Variants in ELP4 observed in about 807,000 individuals in gnomAD.
The protein encoded by ELP4 is elongator complex protein 4.
In ELP4, 51 loss-of-function variants were observed where a neutral mutation model predicts 48.9. The observed-to-expected ratio is 1.04, with a 90% CI of 0.83 to 1.32. The LOEUF is 1.32. ELP4 is among the 40% of genes most tolerant of loss of function. ELP4 has a pLI of 0.00. For missense variants in ELP4, 519 were observed against 514.6 expected (o/e 1.01, Z -0.08); for synonymous variants, 210 against 189.2 (o/e 1.11, Z -0.90).
chr11:31,607,427 C>T (rs1279990390), intron 5 of ELP4, among the ~76,000 whole-genome samples: 1 of 152,138 alleles, frequency 6.6e-6, no homozygotes, highest in Non-Finnish European at 1.5e-5. Flanking sequence ...GCACCTTTTT[C>T]CTGCATTCTC....
intron 2 of ELP4, among the ~76,000 whole-genome samples, chr11:31,535,579 A>G (rs1179275451): frequency 1.3e-5 from 2 of 152,178 alleles, no homozygotes; most frequent in Admixed American, 6.5e-5. Context: ...TCCTCGCCTC[A>G]AAGTGACCCT....
At chr11:31,731,856 G>T (rs1462332394) in intron 9 of ELP4, among the ~76,000 whole-genome samples, 2 of 151,888 alleles carry the variant, frequency 1.3e-5, no homozygotes, top group African/African-American at 4.8e-5. Flanking sequence ...ACTATCGGTG[G>T]ATTTCATAGC....
chr11:31,549,202 C>T (rs1956791498), intron 3 of ELP4, among the ~76,000 whole-genome samples: 1 of 151,014 alleles, frequency 6.6e-6, no homozygotes, highest in East Asian at 1.9e-4. Flanking sequence ...AACAGGCAAC[C>T]CACAAAATGG....
chr11:31,765,408 A>G (rs1053578487), intron 9 of ELP4, among the ~76,000 whole-genome samples: 6 of 152,194 alleles, frequency 3.9e-5, no homozygotes, highest in South Asian at 2.1e-4. Flanking sequence ...GCCCTAATGC[A>G]ACCTAACCAA....
rs978648595 is a variant in ELP4, at chr11:31,519,964, T to C, written c.224-92T>C. ...GTTCACAACTACTGTTTTAAAGTTA[T>C]TGAAGTGCCTTTCCTTCATAAAGCC... is the stretch of plus-strand genomic sequence containing the variant. On this transcript the variant is annotated intron_variant, in intron 1 of 9. Transcript: ENST00000640961. The C allele has an allele frequency of 2.1e-5, 25 of 1,190,232 alleles. No individual in the cohort carries two copies. The African/African-American group carries it at 2.7e-4, about 13-fold the overall frequency. 73.7% of individuals were successfully genotyped at this position (1,190,232 alleles called of 1,614,324 possible).
chr11:31,648,647 C>T (rs867583280), intron 8 of ELP4: 1 of 151,518 alleles, frequency 6.6e-6, no homozygotes, highest in South Asian at 2.1e-4. Flanking sequence ...TCTGTGGAAA[C>T]CTCTAAAGAC....
At chr11:31,776,175 A>AAG (rs1491411536) in intron 9 of ELP4, among the ~76,000 whole-genome samples, 44 of 148,836 alleles carry the variant, frequency 3.0e-4, no homozygotes, top group African/African-American at 1.1e-3. Context: ...AAAAAAAAAA[A>AAG]GAGTATGGGA....
At chr11:31,661,465 T>A (rs1945553454) in intron 9 of ELP4, among the ~76,000 whole-genome samples, 1 of 152,076 alleles carries the variant, frequency 6.6e-6, no homozygotes, top group African/African-American at 2.4e-5. Context: ...GAAAACATCA[T>A]GCATTTCTTT....
At chr11:31,538,698 G>T (rs1956545102) in intron 2 of ELP4, among the ~76,000 whole-genome samples, 1 of 151,578 alleles carries the variant, frequency 6.6e-6, no homozygotes, top group Admixed American at 6.6e-5. Flanking sequence ...TAATATAAAT[G>T]TATATTCTAT....
intron 9 of ELP4, among the ~76,000 whole-genome samples, chr11:31,694,294 A>G (rs1239780205): frequency 6.6e-6 from 1 of 152,098 alleles, no homozygotes; most frequent in Non-Finnish European, 1.5e-5. Flanking sequence ...TTATGGTTTT[A>G]GGTCTAACAT....
chr11:31,690,772 T>G (rs970275215), intron 9 of ELP4, among the ~76,000 whole-genome samples: 1 of 150,786 alleles, frequency 6.6e-6, no homozygotes, highest in Non-Finnish European at 1.5e-5. Context: ...TACTGAGTAC[T>G]TAGTTTCATG....
chr11:31,750,226 T>C (rs1434112513), intron 9 of ELP4, among the ~76,000 whole-genome samples: 1 of 152,076 alleles, frequency 6.6e-6, no homozygotes, highest in Admixed American at 6.6e-5. Flanking sequence ...TAGTTATTCT[T>C]CCAACTTTGT....
chr11:31,664,551 A>C (rs1049826775), intron 9 of ELP4: 2 of 152,116 alleles, frequency 1.3e-5, no homozygotes, highest in Non-Finnish European at 2.9e-5. Flanking sequence ...AAATATTTGG[A>C]AAGTTATTTA....
At chr11:31,758,325 G>A (rs182531164) in intron 9 of ELP4, among the ~76,000 whole-genome samples, 5 of 152,178 alleles carry the variant, frequency 3.3e-5, no homozygotes, top group East Asian at 3.9e-4. Context: ...ACTCATGTTC[G>A]TTCTTTATCA....
chr11:31,528,205 T>G (rs1351686074), intron 2 of ELP4, among the ~76,000 whole-genome samples: 1 of 152,148 alleles, frequency 6.6e-6, no homozygotes, highest in Non-Finnish European at 1.5e-5. Flanking sequence ...TCGTGATTAC[T>G]TATTTAATAG....
chr11:31,561,363 C>T (rs1366865619), intron 3 of ELP4, among the ~76,000 whole-genome samples: 1 of 152,110 alleles, frequency 6.6e-6, no homozygotes, highest in Non-Finnish European at 1.5e-5. Flanking sequence ...TGCCAAAGTT[C>T]ATTCTTGTCT....
chr11:31,708,115 C>T (rs1411483376), intron 9 of ELP4, among the ~76,000 whole-genome samples: 2 of 152,112 alleles, frequency 1.3e-5, no homozygotes, highest in Non-Finnish European at 2.9e-5. Context: ...TACCACAGGG[C>T]CTTTGCCATT....
At chr11:31,553,725 A>AACGC (rs1956887343) in intron 3 of ELP4, among the ~76,000 whole-genome samples, 1 of 140,406 alleles carries the variant, frequency 7.1e-6, no homozygotes, top group South Asian at 2.3e-4. Flanking sequence ...TGCACACACA[A>AACGC]ACACACACAC....
At chr11:31,769,671 C>A (rs900179020) in intron 9 of ELP4, among the ~76,000 whole-genome samples, 1 of 151,972 alleles carries the variant, frequency 6.6e-6, no homozygotes, top group Non-Finnish European at 1.5e-5. Context: ...TAACAGTTAC[C>A]AAGTAGGAGC....
Sources: gnomAD v4.1 joint callset for allele counts (sites outside exome capture counted in the v4.1 genomes callset) on GRCh38, gnomAD v4.1.1 for gene constraint, MANE v1.5 for transcripts, NCBI Gene and HGNC (gene_info 2026-07-23, HGNC 2026-07-21) for gene names.